The following SLC41A3 variants were observed in gnomAD, a reference collection of about 807,000 sequenced individuals.
The protein encoded by SLC41A3 is SLC41A1-like 2.
In SLC41A3, 44 loss-of-function variants were observed where a neutral mutation model predicts 45.4. The observed-to-expected ratio is 0.97, with a 90% CI of 0.76 to 1.25. SLC41A3 has a LOEUF of 1.25. Ranked by LOEUF, SLC41A3 falls within the 50% of genes most tolerant of loss-of-function variation. SLC41A3 has a pLI of 0.00. For synonymous variants in SLC41A3, 256 were observed against 252.4 expected, an observed-to-expected ratio of 1.01 and a Z score of -0.13; for missense variants, 550 against 600.6, an observed-to-expected ratio of 0.92 and a Z score of 0.88.
chr3:126,022,959 A>G (rs757896003), intron 5 of SLC41A3, 27 bp from the exon 6 acceptor site: 1 of 1,613,238 alleles, frequency 6.2e-7, no homozygotes, highest in East Asian at 2.2e-5. Context: ...GAGAAACAGC[A>G]GACTCAAATC....
upstream of SLC41A3, chr3:126,084,422 G>C (rs1945329716): frequency 6.6e-6 from 1 of 152,210 alleles, no homozygotes. Flanking sequence ...TGCGGCTGCA[G>C]GTTTTATTAT....
intron 1 of SLC41A3, among the ~76,000 whole-genome samples, chr3:126,072,689 C>T (rs1576358194): frequency 6.6e-6 from 1 of 152,300 alleles, no homozygotes; most frequent in Non-Finnish European, 1.5e-5. Flanking sequence ...ATTAGTTCAG[C>T]CATTGTGGAA....
intron 6 of SLC41A3, among the ~76,000 whole-genome samples, chr3:126,017,966 G>A (rs1444804195): frequency 1.3e-5 from 2 of 152,144 alleles, no homozygotes; most frequent in African/African-American, 4.8e-5. Flanking sequence ...CACCTTATAC[G>A]ATGCTTTTGA....
intron 6 of SLC41A3, among the ~76,000 whole-genome samples, chr3:126,017,558 G>A (rs1940431456): frequency 6.6e-6 from 1 of 152,214 alleles, no homozygotes; most frequent in Non-Finnish European, 1.5e-5. Flanking sequence ...CGGGCATCTC[G>A]TGCATTCATT....
chr3:126,017,175 T>C (rs1180069839), intron 6 of SLC41A3, among the ~76,000 whole-genome samples: 3 of 152,200 alleles, frequency 2.0e-5, no homozygotes, highest in Non-Finnish European at 4.4e-5. Context: ...CATAAATAAA[T>C]AGAAGTACAA....
upstream of SLC41A3, among the ~76,000 whole-genome samples, chr3:126,087,975 ACT>A (rs368316946): frequency 2.0e-4 from 31 of 152,150 alleles, no homozygotes; most frequent in South Asian, 2.1e-3. Flanking sequence ...AAATTTATAA[ACT>A]CTATAATCTG....
At chr3:126,017,713 G>A (rs1381230631) in intron 6 of SLC41A3, among the ~76,000 whole-genome samples, 3 of 152,152 alleles carry the variant, frequency 2.0e-5, no homozygotes, top group Non-Finnish European at 4.4e-5. Context: ...ACACTCAGGG[G>A]TACCCAGGCA....
Position 126,006,488 on chromosome 3 carries a change from G to T in SLC41A3, c.*528C>A. On this transcript the variant is annotated 3_prime_UTR_variant, in exon 11 of 11. Transcript: ENST00000360370. ...CGATTAAATGTTGAGTGCAGATGAA[G>T]GGTTGTATGAGGCCCCATCCTGGGG... 6.2e-7 allele frequency: 1 copy of T among 1,614,080 alleles called. No individual in the cohort carries two copies. The highest frequency in any genetic ancestry group is 8.5e-7 in the Non-Finnish European group (1 of 1,180,028).
chr3:126,067,568 G>A, intron 2 of SLC41A3: 1 of 451,712 alleles, frequency 2.2e-6, no homozygotes. Flanking sequence ...CCTTGATCTT[G>A]GACTTCCAGC....
intron 1 of SLC41A3, chr3:126,101,288 CACTT>C (rs1252863078): frequency 6.6e-6 from 1 of 152,300 alleles, no homozygotes; most frequent in Non-Finnish European, 1.5e-5. Context: ...CCATGACCAA[CACTT>C]AGTGCAAAGT....
chr3:126,011,695 C>T (rs1339391941), intron 9 of SLC41A3, among the ~76,000 whole-genome samples: 2 of 152,168 alleles, frequency 1.3e-5, no homozygotes, highest in Admixed American at 1.3e-4. Flanking sequence ...AGAGAAATGG[C>T]ACCATACCTA....
chr3:126,083,943 C>T (rs1432555028), intron 1 of SLC41A3, 150 bp downstream of exon 1: 1 of 149,826 alleles, frequency 6.7e-6, no homozygotes, highest in Non-Finnish European at 1.5e-5. Context: ...CTCCCCCTCC[C>T]GCCGAGCCCC....
At chr3:126,015,679 T>C in intron 7 of SLC41A3, 106 bp from the exon 8 acceptor site, 2 of 1,101,674 alleles carry the variant, frequency 1.8e-6, no homozygotes, top group Admixed American at 1.8e-5. Context: ...CATCCTTGGC[T>C]GTCACTCTCC....
chr3:126,044,885 G>A (rs1942848644), intron 3 of SLC41A3, among the ~76,000 whole-genome samples: 2 of 90,226 alleles, frequency 2.2e-5, no homozygotes, highest in Non-Finnish European at 2.1e-5. Context: ...GACAGAGCGA[G>A]ACTCCATCTC....
chr3:126,070,356 T>A (rs73859004), intron 1 of SLC41A3: 5 of 152,160 alleles, frequency 3.3e-5, no homozygotes, highest in Non-Finnish European at 5.9e-5. Flanking sequence ...TCAAACCGTA[T>A]TGTGAACTGC....
chr3:126,082,346 T>C (rs766232846), intron 1 of SLC41A3, among the ~76,000 whole-genome samples: 6 of 152,170 alleles, frequency 3.9e-5, no homozygotes, highest in Non-Finnish European at 7.3e-5. Flanking sequence ...ACAGAGGACA[T>C]TGGGCAATGT....
At chr3:126,082,617 G>A (rs6772055) in intron 1 of SLC41A3, among the ~76,000 whole-genome samples, 47,231 of 152,032 alleles carry the variant, frequency 0.31, 7,597 homozygotes, top group Middle Eastern at 0.44. Context: ...GGGGGTATCC[G>A]CCCCCATCAG....
At chr3:126,097,002 G>A (rs2365013) in intron 1 of SLC41A3, among the ~76,000 whole-genome samples, 92,560 of 152,058 alleles carry the variant, frequency 0.61, 28,606 homozygotes, top group African/African-American at 0.71. Flanking sequence ...GTTTATTTAA[G>A]AAGTCTTAGA....
At chr3:126,056,595 C>G (rs977581974) in intron 2 of SLC41A3, 5 of 1,587,562 alleles carry the variant, frequency 3.1e-6, no homozygotes, top group South Asian at 2.3e-5. Flanking sequence ...GAAGTCAGAG[C>G]CTGGGGTGCT....
Sources: gnomAD v4.1 joint callset for allele counts (sites outside exome capture counted in the v4.1 genomes callset) on GRCh38, gnomAD v4.1.1 for gene constraint, MANE v1.5 for transcripts, NCBI Gene and HGNC (gene_info 2026-07-23, HGNC 2026-07-21) for gene names.